HPSE2: variants seen among roughly 807,000 people sequenced by gnomAD.
HPSE2 encodes inactive heparanase-2.
In HPSE2, 38 loss-of-function variants were observed where a neutral mutation model predicts 60.5. The ratio of observed to expected loss-of-function variants is 0.63; its 90% confidence interval spans 0.48 to 0.82. HPSE2 has a LOEUF of 0.82. HPSE2 is among the 40% of genes least tolerant of loss of function. The pLI is 0.00. For missense variants in HPSE2, 713 were observed against 740.4 expected (o/e 0.96, Z 0.43); for synonymous variants, 295 against 293.2 (o/e 1.01, Z -0.06).
At chr10:99,042,873 G>A (rs1244699559) in intron 3 of HPSE2, among the ~76,000 whole-genome samples, 2 of 152,160 alleles carry the variant, frequency 1.3e-5, no homozygotes, top group African/African-American at 2.4e-5. Context: ...CTATAAAAGA[G>A]CCACAAGACT....
rs552734847 is a variant in HPSE2, at chr10:98,532,324, T to C, written c.1321-42128A>G. Reference sequence around the variant, plus strand: ...AACACAAAGGGCCAGCACAGAAATCTTGAAATGCCTATTGCTATAAAGGGA... The same window carrying C: ...AACACAAAGGGCCAGCACAGAAATCCTGAAATGCCTATTGCTATAAAGGGA... On this transcript the variant is annotated intron_variant, in intron 9 of 11. Coordinates refer to ENST00000370552, the MANE Select transcript of HPSE2 (RefSeq NM_021828.5). Among the ~76,000 whole-genome samples, 11 of 152,318 alleles carry C rather than the reference T, an allele frequency of 7.2e-5. No individual in the cohort carries two copies. In the South Asian group the frequency reaches 2.3e-3, roughly 32 times the overall value.
intron 3 of HPSE2, among the ~76,000 whole-genome samples, chr10:98,847,098 T>C (rs1952052673): frequency 6.6e-6 from 1 of 152,154 alleles, no homozygotes; most frequent in African/African-American, 2.4e-5. Context: ...CAGTTCACCA[T>C]TTACCTTCAG....
At chr10:99,183,324 T>C (rs1324305076) in intron 2 of HPSE2, among the ~76,000 whole-genome samples, 1 of 152,192 alleles carries the variant, frequency 6.6e-6, no homozygotes, top group African/African-American at 2.4e-5. Flanking sequence ...TATGCATATA[T>C]GTAAGGATAC....
At chr10:99,064,898 T>C (rs1842565784) in intron 3 of HPSE2, among the ~76,000 whole-genome samples, 1 of 152,134 alleles carries the variant, frequency 6.6e-6, no homozygotes, top group South Asian at 2.1e-4. Context: ...TACAGAATTA[T>C]AACACTGTTT....
chr10:99,305,977 G>GCACACA, the HPSE2 span, among the ~76,000 whole-genome samples: 56 of 53,718 alleles, frequency 1.0e-3, 1 homozygote, highest in South Asian at 2.5e-3. Flanking sequence ...GCGCGCGCGC[G>GCACACA]CGCACACACA....
the HPSE2 span, among the ~76,000 whole-genome samples, chr10:99,305,889 A>G: frequency 1.3e-5 from 2 of 151,890 alleles, no homozygotes; most frequent in East Asian, 1.9e-4. Context: ...GTGTGTAAAA[A>G]TAGATTGACC....
chr10:99,116,611 C>G lies in HPSE2; in HGVS notation c.610+27627G>C, dbSNP rs577709822. The stretch of plus-strand genomic sequence containing the variant: ...TGCCATATATAAGTAGTCCCTACTC[C>G]GAACCTGCCAACCTCATCTCTGTCA... On this transcript the variant is annotated intron_variant, in intron 3 of 11. Coordinates refer to ENST00000370552, the MANE Select transcript of HPSE2 (RefSeq NM_021828.5). Among the ~76,000 whole-genome samples the G allele has an allele frequency of 1.1e-3, 163 of 152,274 alleles. 1 individual carries two copies. The Middle Eastern group carries it at 0.024, about 22-fold the overall frequency.
At chr10:98,509,622 C>A (rs944988799) in intron 9 of HPSE2, among the ~76,000 whole-genome samples, 1 of 151,952 alleles carries the variant, frequency 6.6e-6, no homozygotes, top group African/African-American at 2.4e-5. Context: ...TTGCCTCAGC[C>A]ACCCGAGTAG....
intron 3 of HPSE2, among the ~76,000 whole-genome samples, chr10:98,921,209 G>T (rs1334017331): frequency 6.6e-6 from 1 of 152,164 alleles, no homozygotes; most frequent in Non-Finnish European, 1.5e-5. Flanking sequence ...GGCAGATGAA[G>T]CATTTAGCAC....
At position 98,480,962 on chromosome 10, in the gene HPSE2, G is replaced by A. The variant is rs61874873; in HGVS notation, c.1613+1674C>T. ...AGGTTTCACAGACGAGGAAACTGAC[G>A]CTCACAGAGATGACATAACTTGCCT... On this transcript the variant is annotated intron_variant, in intron 11 of 11. Transcript: ENST00000370552. 3.3e-5 allele frequency among the ~76,000 whole-genome samples: 5 copies of A among 152,216 alleles called. No individual in the cohort carries two copies. The East Asian group carries it at 5.8e-4, about 18-fold the overall frequency.
chr10:98,808,236 C>G (rs537844096), intron 3 of HPSE2, among the ~76,000 whole-genome samples: 1 of 152,188 alleles, frequency 6.6e-6, no homozygotes, highest in Non-Finnish European at 1.5e-5. Flanking sequence ...TCATCACCCC[C>G]TCAAACCCTC....
At chr10:99,228,861 G>A (rs998708121) in intron 2 of HPSE2, among the ~76,000 whole-genome samples, 1 of 152,050 alleles carries the variant, frequency 6.6e-6, no homozygotes, top group Admixed American at 6.6e-5. Flanking sequence ...TAATTCATGG[G>A]AAAACAAGGG....
At chr10:98,771,692 T>A (rs1950244740) in intron 3 of HPSE2, among the ~76,000 whole-genome samples, 1 of 152,180 alleles carries the variant, frequency 6.6e-6, no homozygotes, top group Non-Finnish European at 1.5e-5. Context: ...TACAACTGGA[T>A]AACCAAGAAT....
intron 9 of HPSE2, among the ~76,000 whole-genome samples, chr10:98,496,904 T>G (rs1330089662): frequency 2.0e-5 from 3 of 152,160 alleles, no homozygotes; most frequent in Admixed American, 6.5e-5. Context: ...AAAAAAAAAT[T>G]ATAGGAAAAC....
chr10:98,984,654 C>T (rs1172504942), intron 3 of HPSE2, among the ~76,000 whole-genome samples: 6 of 152,150 alleles, frequency 3.9e-5, no homozygotes, highest in African/African-American at 9.7e-5. Flanking sequence ...ATGACTTTGA[C>T]GAGTTGAGAG....
intron 3 of HPSE2, among the ~76,000 whole-genome samples, chr10:98,993,583 A>G (rs1022687988): frequency 1.3e-5 from 2 of 152,174 alleles, no homozygotes; most frequent in Non-Finnish European, 1.5e-5. Context: ...AAATTATGTA[A>G]AAGAGTTATT....
At chr10:99,006,239 C>A (rs1589503865) in intron 3 of HPSE2, among the ~76,000 whole-genome samples, 1 of 152,170 alleles carries the variant, frequency 6.6e-6, no homozygotes, top group African/African-American at 2.4e-5. Context: ...AGCCTGGGTT[C>A]TGGATCTATA....
At chr10:99,217,906 C>T (rs1273574232) in intron 2 of HPSE2, among the ~76,000 whole-genome samples, 7 of 151,978 alleles carry the variant, frequency 4.6e-5, no homozygotes, top group African/African-American at 1.7e-4. Flanking sequence ...TTAAAGCTCC[C>T]CTAGCTAATA....
intron 3 of HPSE2, among the ~76,000 whole-genome samples, chr10:98,927,298 G>GTATTGTATATTTAAACCAC (rs1954500088): frequency 1.3e-5 from 2 of 152,030 alleles, no homozygotes; most frequent in Non-Finnish European, 2.9e-5. Context: ...CCTGTATTGG[G>GTATTGTATATTTAAACCAC]TGCATATATA....
Sources: allele counts gnomAD v4.1 joint callset (sites outside exome capture counted in the v4.1 genomes callset), GRCh38; gene constraint gnomAD v4.1.1; transcripts MANE v1.5; gene names NCBI Gene and HGNC (gene_info 2026-07-23, HGNC 2026-07-21).